CACNA1A: variants seen among roughly 807,000 people sequenced by gnomAD.
The protein encoded by CACNA1A is calcium voltage-gated channel subunit alpha1 A, also known as voltage-dependent P/Q-type calcium channel subunit alpha-1A.
A neutral mutation model predicts 262.4 loss-of-function variants in CACNA1A; 57 were observed. That is an observed-to-expected ratio of 0.22 (90% CI 0.18 to 0.27). The LOEUF (loss-of-function observed/expected upper bound fraction) is 0.27. Ranked by LOEUF, CACNA1A falls within the 10% of genes least tolerant of loss-of-function variation. The pLI, the probability that CACNA1A is intolerant of heterozygous loss-of-function variation, is 1.00. For missense variants in CACNA1A, 2,526 were observed against 3,562.8 expected (o/e 0.71, Z 7.41); for synonymous variants, 1,431 against 1,419.3 (o/e 1.01, Z -0.18).
Position 13,400,753 on chromosome 19 carries a change from C to T in CACNA1A, c.540-28974G>A, listed in dbSNP as rs367941193. 1.8e-4 allele frequency among the ~76,000 whole-genome samples: 27 copies of T among 152,232 alleles called. No homozygotes were observed. In the East Asian group the frequency reaches 2.5e-3, roughly 14 times the overall value. On this transcript the variant is annotated intron_variant, in intron 3 of 46. Transcript: ENST00000360228. ...GTTGAGGCAGTGCACAGGATAGCTC[C>T]CATTTTGGAGCTAATAATGCAGCCC... is the stretch of plus-strand genomic sequence containing the variant.
chr19:13,345,320 C>T (rs576659689), intron 6 of CACNA1A, among the ~76,000 whole-genome samples: 4 of 152,238 alleles, frequency 2.6e-5, no homozygotes, highest in Admixed American at 1.3e-4. Flanking sequence ...GGACTAGACC[C>T]GTCATTCTGG....
chr19:13,293,490 G>T (rs916993346), intron 19 of CACNA1A, among the ~76,000 whole-genome samples: 1 of 122,774 alleles, frequency 8.1e-6, no homozygotes, highest in Non-Finnish European at 1.6e-5. Flanking sequence ...CTGTCTCCCC[G>T]GCTGGAGTGC....
At position 13,283,282 on chromosome 19, in the gene CACNA1A, G is replaced by A. The variant is rs557721660; in HGVS notation, c.3807C>T (p.Asn1269=). 97 of 1,613,958 alleles carry A rather than the reference G, an allele frequency of 6.0e-5. No individual in the cohort carries two copies. The South Asian group carries it at 9.7e-4, about 16-fold the overall frequency. ...TGGGACTCACGTTGTTCCGAGGTGC[G>A]TTGGGCTGCACAGGGTCCTCGGCGG... ...ALAAEDPVQP[N]APRNNVLRYF... Residue 1269 remains asparagine, a synonymous_variant, in exon 22 of 47, where the codon AAC becomes AAT. Coordinates refer to ENST00000360228, the MANE Select transcript of CACNA1A (RefSeq NM_001127222.2).
chr19:13,260,285 T>C (rs886933579), intron 26 of CACNA1A: 11 of 149,224 alleles, frequency 7.4e-5, no homozygotes, highest in African/African-American at 2.7e-4. Flanking sequence ...ATAATACATA[T>C]GTGTGTGTGC....
At chr19:13,366,804 C>G (rs117933528) in intron 4 of CACNA1A, among the ~76,000 whole-genome samples, 2,329 of 152,146 alleles carry the variant, frequency 0.015, 19 homozygotes, top group Non-Finnish European at 0.022. Flanking sequence ...GCCATATAGG[C>G]TAGTTGCTGC....
chr19:13,208,673 G>GTGGC, intron 46 of CACNA1A, 83 bp downstream of exon 46: 1 of 1,437,888 alleles, frequency 7.0e-7, no homozygotes, highest in Admixed American at 2.4e-5. Flanking sequence ...TTTGCCTAGA[G>GTGGC]TGGCTGTTGG....
At chr19:13,419,262 G>A (rs2060276310) in intron 3 of CACNA1A, among the ~76,000 whole-genome samples, 1 of 152,198 alleles carries the variant, frequency 6.6e-6, no homozygotes, top group Non-Finnish European at 1.5e-5. Flanking sequence ...TGCAGCCTAG[G>A]TGCAATAGGG....
chr19:13,212,060 A>C lies in CACNA1A; in HGVS notation c.6303+43T>G. On this transcript the variant is annotated intron_variant, in intron 43 of 46. Transcript: ENST00000360228. The surrounding 1 kb of genome is among the most constrained non-coding windows in gnomAD (Gnocchi z 5.6). ...GGGGGGGCCTGGCCCTACCCAGTGC[A>C]GAGTGAGGGGTCCAGCCCCAGGGCA... 7.1e-7 allele frequency: 1 copy of C among 1,415,702 alleles called. No individual in the cohort carries two copies. The highest frequency in any genetic ancestry group is 2.3e-5 in the East Asian group (1 of 43,958). The allele number at this position is 1,415,702 out of a possible 1,614,324, so 87.7% of individuals were successfully genotyped here. A position where few individuals can be genotyped will look rare whatever the true frequency, so the allele number is the denominator to read the frequency against.
Position 13,364,731 on chromosome 19 carries a change from C to G in CACNA1A, c.784+586G>C, listed in dbSNP as rs1030803905. ...CTTGGCTCACTGCAACTTCTGCCTC[C>G]CGGGTTCAAGTGATTCTCCTGCCTC... On this transcript the variant is annotated intron_variant, in intron 5 of 46. Transcript: ENST00000360228. 6.6e-5 allele frequency: 10 copies of G among 152,376 alleles called. No homozygotes were observed. The East Asian group carries it at 1.9e-3, about 29-fold the overall frequency. 9.4% of individuals were successfully genotyped at this position (152,376 alleles called of 1,614,324 possible).
At chr19:13,254,358 TTTTTC>T (rs1011235507) in intron 29 of CACNA1A, among the ~76,000 whole-genome samples, 6 of 151,816 alleles carry the variant, frequency 4.0e-5, no homozygotes, top group African/African-American at 7.3e-5. Flanking sequence ...CATTTCTTTC[TTTTTC>T]TTTTCTTTTT....
chr19:13,469,750 C>T (rs1408603269), intron 1 of CACNA1A, among the ~76,000 whole-genome samples: 3 of 151,592 alleles, frequency 2.0e-5, no homozygotes, highest in African/African-American at 4.9e-5. Flanking sequence ...TGGGCCACCG[C>T]GCCCGGCTGA....
chr19:13,444,627 G>C (rs1476433881), intron 3 of CACNA1A, among the ~76,000 whole-genome samples: 3 of 152,146 alleles, frequency 2.0e-5, no homozygotes, highest in Non-Finnish European at 4.4e-5. Context: ...CAAGAGGAAG[G>C]AAGAGAGAGC....
intron 19 of CACNA1A, among the ~76,000 whole-genome samples, chr19:13,294,201 C>A (rs1460136917): frequency 3.6e-5 from 4 of 112,492 alleles, no homozygotes; most frequent in Non-Finnish European, 7.2e-5. Context: ...AAGACCCTGC[C>A]TCAAAAAAAA....
At position 13,226,370 on chromosome 19, in the gene CACNA1A, A is replaced by C. The variant is rs371881602; in HGVS notation, c.5625+1061T>G. The C allele has an allele frequency of 2.4e-4, 36 of 148,426 alleles. 2 individuals carry two copies. In the South Asian group the frequency reaches 3.6e-3, roughly 15 times the overall value. The allele number at this position is 148,426 out of a possible 1,614,324, so 9.2% of individuals were successfully genotyped here. A position where few individuals can be genotyped will look rare whatever the true frequency, so the allele number is the denominator to read the frequency against. The stretch of plus-strand genomic sequence containing the variant: ...CCCGGCTTTGATTGAGAAGGAGGGG[A>C]GACATATAGGTTAGGTGAGGAGGGG... On this transcript the variant is annotated intron_variant, in intron 37 of 46. Coordinates refer to ENST00000360228, the MANE Select transcript of CACNA1A (RefSeq NM_001127222.2).
At chr19:13,340,383 C>T (rs1229342459) in intron 6 of CACNA1A, among the ~76,000 whole-genome samples, 1 of 151,704 alleles carries the variant, frequency 6.6e-6, no homozygotes, top group Non-Finnish European at 1.5e-5. Context: ...TATAATTATC[C>T]CCATCCTCCC....
intron 1 of CACNA1A, among the ~76,000 whole-genome samples, chr19:13,483,787 A>G (rs1284777787): frequency 6.6e-6 from 1 of 152,136 alleles, no homozygotes; most frequent in Non-Finnish European, 1.5e-5. Flanking sequence ...CTCATGAGCC[A>G]ATACAATCCC....
chr19:13,425,110 T>G (rs1469154395), intron 3 of CACNA1A, among the ~76,000 whole-genome samples: 1 of 152,006 alleles, frequency 6.6e-6, no homozygotes, highest in Non-Finnish European at 1.5e-5. Context: ...GGCCCAGACA[T>G]CTATTTCTAA....
chr19:13,393,431 G>C (rs2059744485), intron 3 of CACNA1A, among the ~76,000 whole-genome samples: 1 of 152,144 alleles, frequency 6.6e-6, no homozygotes, highest in African/African-American at 2.4e-5. Flanking sequence ...TTGAAGTCAG[G>C]ATGGAGTTAC....
intron 30 of CACNA1A, among the ~76,000 whole-genome samples, chr19:13,248,935 G>C (rs1433329850): frequency 4.6e-5 from 7 of 151,984 alleles, no homozygotes; most frequent in Admixed American, 4.6e-4. Context: ...GTTTGCTCAG[G>C]GTATCATTTA....
Sources: allele counts gnomAD v4.1 joint callset (sites outside exome capture counted in the v4.1 genomes callset), GRCh38; gene constraint gnomAD v4.1.1; non-coding constraint Gnocchi (gnomAD v3.1); transcripts MANE v1.5; gene names NCBI Gene and HGNC (gene_info 2026-07-23, HGNC 2026-07-21).